RNF213: variants seen among roughly 807,000 people sequenced by gnomAD.
RNF213 encodes the protein ring finger protein 213.
Under a neutral mutation model 514.4 loss-of-function variants are expected in RNF213, and 341 were observed. The observed-to-expected ratio is 0.66, with a 90% CI of 0.61 to 0.73. The LOEUF is 0.73. Among genes scored for constraint, RNF213 ranks in the 30% least tolerant of loss-of-function variants. RNF213 has a pLI of 0.00. For synonymous variants in RNF213, 2,655 were observed against 2,658.2 expected, an observed-to-expected ratio of 1.00 and a Z score of 0.04; for missense variants, 5,767 against 6,615.6, an observed-to-expected ratio of 0.87 and a Z score of 4.45.
rs959455485 is a variant in RNF213 at position 80,316,743 on chromosome 17, G to C, written c.2812-445G>C. 2.6e-4 allele frequency: 71 copies of C among 276,684 alleles called. 1 individual carries two copies. The East Asian group carries it at 6.0e-3, about 23-fold the overall frequency. 17.1% of individuals were successfully genotyped at this position (276,684 alleles called of 1,614,324 possible). Reference sequence around the variant, plus strand: ...CAACTTACTTTCCAACGGTTTGGGAGAGAAAATGCTCATTTGTGCAGAGTC... The same window carrying C: ...CAACTTACTTTCCAACGGTTTGGGACAGAAAATGCTCATTTGTGCAGAGTC... On this transcript the variant is annotated intron_variant, in intron 15 of 67. Transcript: ENST00000582970.
chr17:80,344,293 A>T (rs1184283474), intron 28 of RNF213, among the ~76,000 whole-genome samples: 3 of 152,204 alleles, frequency 2.0e-5, no homozygotes, highest in Non-Finnish European at 1.5e-5. Context: ...TGTGCTCTGA[A>T]TCTAGGAAAT....
At chr17:80,278,709 G>A (rs1486930814) in intron 3 of RNF213, 6 of 1,528,396 alleles carry the variant, frequency 3.9e-6, no homozygotes, top group Middle Eastern at 1.7e-4. Flanking sequence ...GTCTACTGGA[G>A]CTGTGCGTGG....
chr17:80,389,889 A>T lies in RNF213; in HGVS notation c.15257A>T (p.Lys5086Met). ...IALWQFLSAH[K>M]SEQLLRLHKE... is the part of the protein sequence containing the mutation. ...CTCTGGCAGTTCCTGTCTGCTCATA[A>T]GTCTGAACAGCTGCTGCGGCTGCAC... Residue 5086 changes from lysine (K) to methionine (M), a missense_variant, in exon 66 of 68, where the codon AAG (lysine) becomes ATG (methionine). Physicochemically the swap from Lys to Met is moderately conservative, Grantham distance 95. Transcript: ENST00000582970. The T allele has an allele frequency of 6.2e-7, 1 of 1,614,204 alleles. No homozygotes were observed. Among genetic ancestry groups the T allele is most frequent in the Non-Finnish European group, 8.5e-7 (1 of 1,180,036 alleles).
In RNF213 at chr17:80,336,315, C is replaced by T. The variant is rs780916987; in HGVS notation, c.4464C>T (p.Phe1488=). The T allele has an allele frequency of 6.5e-6, 10 of 1,537,142 alleles. No individual in the cohort carries two copies. In the African/African-American group the frequency reaches 1.4e-4, roughly 21 times the overall value. The change falls in exon 23 of 68, where the codon TTC becomes TTT. Residue 1488 remains phenylalanine (F), a synonymous_variant. Coordinates refer to ENST00000582970, the MANE Select transcript of RNF213 (RefSeq NM_001256071.3). ...ACCCCAGCGTGGACTTCAGTGCATT[C>T]ATGAAGCATCTGAAAAAGCTGTGGA... ...KLDPSVDFSA[F]MKHLKKLWKA... is the part of the protein sequence containing the mutation.
chr17:80,359,764 G>T (rs2078986160), intron 37 of RNF213, among the ~76,000 whole-genome samples: 1 of 152,198 alleles, frequency 6.6e-6, no homozygotes, highest in Non-Finnish European at 1.5e-5. Flanking sequence ...ATCAAAGCCA[G>T]ACAGGTTCAG....
At chr17:80,276,700 A>T (rs1434652928) in intron 3 of RNF213, among the ~76,000 whole-genome samples, 1 of 152,128 alleles carries the variant, frequency 6.6e-6, no homozygotes, top group Admixed American at 6.6e-5. Flanking sequence ...GTTGGTGGAA[A>T]TGTTAAACGC....
chr17:80,375,850 A>C lies in RNF213; in HGVS notation c.13165A>C (p.Ser4389Arg). Residue 4389 changes from serine to arginine, a missense_variant, in exon 51 of 68, where the codon AGC (serine) becomes CGC (arginine). Ser to Arg is a moderately radical substitution (Grantham distance 110). Around this residue, in one of 13 missense-constraint regions of RNF213, gnomAD observed 1,245 missense variants for 1,339.0 expected, o/e 0.93. Transcript: ENST00000582970. ...TATTTTGTACAGATCCCACAATGCA[A>C]GCCTCCACCCCACGCCAGAGGTGAG... ...VAILYRSHNA[S>R]LHPTPEQCEA... is the part of the protein sequence containing the mutation. 1 of 1,613,208 alleles carries C rather than the reference A, an allele frequency of 6.2e-7. No homozygotes were observed. Among genetic ancestry groups the C allele is most frequent in the South Asian group, 1.1e-5 (1 of 91,054 alleles).
chr17:80,295,298 C>T (rs1461964352), intron 9 of RNF213, among the ~76,000 whole-genome samples: 2 of 152,210 alleles, frequency 1.3e-5, no homozygotes, highest in African/African-American at 2.4e-5. Flanking sequence ...ACCCACACTG[C>T]GGTGCAGCCT....
At chr17:80,285,864 GA>G (rs1239591830) in intron 3 of RNF213, among the ~76,000 whole-genome samples, 2 of 152,092 alleles carry the variant, frequency 1.3e-5, no homozygotes, top group East Asian at 1.9e-4. Context: ...TAGAGATGGG[GA>G]GGATCTCACC....
At chr17:80,281,708 C>G (rs1322928455) in intron 3 of RNF213, among the ~76,000 whole-genome samples, 3 of 147,394 alleles carry the variant, frequency 2.0e-5, no homozygotes, top group Non-Finnish European at 3.0e-5. Context: ...CTCATACTCA[C>G]ACTGAAACAC....
chr17:80,325,533 C>T (rs953088817), intron 18 of RNF213, among the ~76,000 whole-genome samples: 6 of 151,974 alleles, frequency 3.9e-5, no homozygotes, highest in Non-Finnish European at 8.8e-5. Flanking sequence ...GAAGGCAATG[C>T]GACTTACCTA....
rs553043904 is a variant in RNF213 at position 80,288,017 on chromosome 17, C to A, written c.464C>A (p.Thr155Asn). The A allele has an allele frequency of 3.8e-6, 6 of 1,595,144 alleles. No individual in the cohort carries two copies. The South Asian group carries it at 6.7e-5, about 18-fold the overall frequency. ...GQPSQPPGTA[T>N]TPLEGDGLSA... ...CCGAGCCAGCCCCCAGGCACAGCCA[C>A]CACGCCACTGGAGGGTGACGGCCTC... The change falls in exon 4 of 68, where the codon ACC (threonine) becomes AAC (asparagine). Residue 155 changes from threonine to asparagine, a missense_variant. Thr to Asn is a moderately conservative substitution (Grantham distance 65, BLOSUM62 0). This residue lies in a region of RNF213 where 509 missense variants were observed against 496.7 expected (regional missense o/e 1.02). Coordinates refer to ENST00000582970, the MANE Select transcript of RNF213 (RefSeq NM_001256071.3). The surrounding 1 kb of genome is among the most constrained non-coding windows in gnomAD (Gnocchi z 4.9).
chr17:80,282,897 C>A (rs2143113455), intron 3 of RNF213, among the ~76,000 whole-genome samples: 1 of 150,846 alleles, frequency 6.6e-6, no homozygotes, highest in East Asian at 2.0e-4. Flanking sequence ...GGGGTTTCCC[C>A]ATGTTGGCCA....
At chr17:80,374,664 AAAT>A (rs1238867297) in intron 50 of RNF213, 75 bp downstream of exon 50, 1 of 1,548,888 alleles carries the variant, frequency 6.5e-7, no homozygotes, top group East Asian at 2.3e-5. Flanking sequence ...GGTTTATGTC[AAAT>A]GATGCAGGGT....
chr17:80,377,735 C>G lies in RNF213; in HGVS notation c.13511-27C>G, dbSNP rs1173543227. ...GGGTCATTGGGTGAAACCTCATTAGCCAATGTGTGTCCTGTTCTCTTCACA... is the reference window on the plus strand; with the variant it reads ...GGGTCATTGGGTGAAACCTCATTAGGCAATGTGTGTCCTGTTCTCTTCACA... On this transcript the variant is annotated intron_variant, in intron 53 of 67. Coordinates refer to ENST00000582970, the MANE Select transcript of RNF213 (RefSeq NM_001256071.3). The surrounding 1 kb of genome is among the most constrained non-coding windows in gnomAD (Gnocchi z 4.1). 3 of 1,614,010 alleles carry G rather than the reference C, an allele frequency of 1.9e-6. No individual in the cohort carries two copies.
At chr17:80,270,797 G>A (rs560828477) in intron 2 of RNF213, among the ~76,000 whole-genome samples, 19 of 152,246 alleles carry the variant, frequency 1.2e-4, no homozygotes, top group Non-Finnish European at 2.4e-4. Flanking sequence ...CTGGGTCACC[G>A]TTGCCCAAGT....
rs1159776482 is a variant in RNF213 at position 80,376,530 on chromosome 17, C to G, written c.13415C>G (p.Pro4472Arg). ...LEPLKNLAFSPATMAHAFLPT... is the reference protein window; with the variant it reads ...LEPLKNLAFSRATMAHAFLPT... Reference sequence around the variant, plus strand: ...CCCCTAAAGAATCTGGCCTTCTCCCCAGCCACCATGGCGGTAAGAGTAGGC... The same window carrying G: ...CCCCTAAAGAATCTGGCCTTCTCCCGAGCCACCATGGCGGTAAGAGTAGGC... Residue 4472 changes from proline (P) to arginine (R), a missense_variant, in exon 52 of 68, where the codon CCA (proline) becomes CGA (arginine). Coordinates refer to ENST00000582970, the MANE Select transcript of RNF213 (RefSeq NM_001256071.3). The G allele has an allele frequency of 1.9e-6, 3 of 1,613,952 alleles. No homozygotes were observed. The highest frequency in any genetic ancestry group is 2.5e-6 in the Non-Finnish European group (3 of 1,180,042).
intron 44 of RNF213, among the ~76,000 whole-genome samples, 161 bp downstream of exon 44, chr17:80,368,304 C>G (rs1364931020): frequency 6.6e-6 from 1 of 152,184 alleles, no homozygotes; most frequent in African/African-American, 2.4e-5. Flanking sequence ...TCATAAATAT[C>G]TGGTATCTCA....
At chr17:80,370,283 T>C (rs917489010) in intron 46 of RNF213, among the ~76,000 whole-genome samples, 1 of 152,226 alleles carries the variant, frequency 6.6e-6, no homozygotes, top group Admixed American at 6.5e-5. Context: ...TGGGCTCTAT[T>C]TCCTTGGAAA....
Sources: allele counts gnomAD v4.1 joint callset (sites outside exome capture counted in the v4.1 genomes callset), GRCh38; gene constraint gnomAD v4.1.1; regional missense constraint gnomAD v4.1.1; non-coding constraint Gnocchi (gnomAD v3.1); transcripts MANE v1.5; gene names NCBI Gene and HGNC (gene_info 2026-07-23, HGNC 2026-07-21).